Variants in LARP1B observed in about 807,000 individuals in gnomAD.
LARP1B encodes La ribonucleoprotein 1B, also known as la-related protein 1B.
LARP1B carries 76 observed loss-of-function variants against 114.2 expected under a neutral mutation model. The observed-to-expected ratio is 0.67, with a 90% CI of 0.55 to 0.81. LARP1B has a LOEUF of 0.81. Ranked by LOEUF, LARP1B falls within the 30% of genes least tolerant of loss-of-function variation. The probability of loss-of-function intolerance (pLI) is 0.00; values close to 1 mark genes in which losing one functional copy is unlikely to be tolerated. For synonymous variants in LARP1B, 345 were observed against 348.0 expected, an observed-to-expected ratio of 0.99 and a Z score of 0.10; for missense variants, 1,014 against 1,075.8, an observed-to-expected ratio of 0.94 and a Z score of 0.80.
At chr4:128,122,463 T>G (rs57476068) in intron 11 of LARP1B, 63 of 1,517,410 alleles carry the variant, frequency 4.2e-5, no homozygotes, top group Admixed American at 4.1e-4. Context: ...TGTTTTGTTT[T>G]TTTTTGTTTT....
chr4:128,188,877 CTT>C (rs1751265136), intron 15 of LARP1B, among the ~76,000 whole-genome samples: 1 of 152,076 alleles, frequency 6.6e-6, no homozygotes, highest in South Asian at 2.1e-4. Flanking sequence ...ATGATTTTGA[CTT>C]TTTTAAATTT....
At chr4:128,118,390 C>T (rs1436605481) in intron 10 of LARP1B, among the ~76,000 whole-genome samples, 1 of 151,602 alleles carries the variant, frequency 6.6e-6, no homozygotes, top group Non-Finnish European at 1.5e-5. Context: ...TGCCACCACG[C>T]CCAGCTAATT....
intron 12 of LARP1B, among the ~76,000 whole-genome samples, chr4:128,166,226 G>A (rs917638241): frequency 6.6e-6 from 1 of 151,662 alleles, no homozygotes; most frequent in South Asian, 2.1e-4. Context: ...AGGTCAAAAC[G>A]TTTGTGTCAT....
intron 11 of LARP1B, among the ~76,000 whole-genome samples, chr4:128,142,550 C>A (rs1041796060): frequency 6.6e-6 from 1 of 151,070 alleles, no homozygotes; most frequent in African/African-American, 2.4e-5. Context: ...CTCTTGTTGC[C>A]CAGGCTGGAG....
chr4:128,087,477 AC>A (rs1355398584), intron 5 of LARP1B, among the ~76,000 whole-genome samples: 5 of 152,218 alleles, frequency 3.3e-5, no homozygotes, highest in African/African-American at 1.2e-4. Context: ...CTTTAAACAT[AC>A]AAAAAATTGA....
intron 1 of LARP1B, among the ~76,000 whole-genome samples, chr4:128,073,572 GTTTTTTTTTTTTTTT>G (rs568197117): frequency 5.8e-4 from 23 of 39,994 alleles, no homozygotes; most frequent in East Asian, 9.3e-4. Context: ...TATTGTTGTC[GTTTTTTTTTTTTTTT>G]TTTTTTTTTT....
intron 7 of LARP1B, among the ~76,000 whole-genome samples, chr4:128,091,905 C>G (rs913344081): frequency 6.6e-6 from 1 of 152,102 alleles, no homozygotes; most frequent in African/African-American, 2.4e-5. Context: ...CTGTTTATAA[C>G]ATTTTTAAAG....
intron 15 of LARP1B, among the ~76,000 whole-genome samples, chr4:128,187,958 C>A (rs1033268625): frequency 6.6e-6 from 1 of 152,146 alleles, no homozygotes; most frequent in Non-Finnish European, 1.5e-5. Flanking sequence ...CTGCCTTCCA[C>A]CATGATTGTA....
At chr4:128,118,300 C>T (rs1012812387) in intron 10 of LARP1B, among the ~76,000 whole-genome samples, 4 of 146,456 alleles carry the variant, frequency 2.7e-5, no homozygotes, top group South Asian at 2.2e-4. Flanking sequence ...GGCGCGATCT[C>T]GGCTCCCTGC....
intron 12 of LARP1B, among the ~76,000 whole-genome samples, chr4:128,169,543 A>G (rs1742618266): frequency 6.6e-6 from 1 of 151,960 alleles, no homozygotes; most frequent in Non-Finnish European, 1.5e-5. Context: ...TTTAAGGGAG[A>G]GTTTAAATTA....
intron 10 of LARP1B, among the ~76,000 whole-genome samples, chr4:128,117,620 G>A (rs2149947333): frequency 6.6e-6 from 1 of 151,526 alleles, no homozygotes; most frequent in East Asian, 2.0e-4. Context: ...CTGACCTCAG[G>A]TGATCCACCC....
Position 128,210,116 on chromosome 4 carries a change from T to C in LARP1B, c.*63T>C, listed in dbSNP as rs113783954. The C allele has an allele frequency of 2.1e-4, 336 of 1,606,818 alleles. 2 individuals are homozygous for C. Among genetic ancestry groups the C allele is most frequent in the South Asian group, 8.6e-4 (78 of 90,222 alleles). ...GAAATGCCTGAGAAATAGACTCTTA[T>C]GAAAGTTCTTTGTCCTTGAAGTCAA... is the stretch of plus-strand genomic sequence containing the variant. On this transcript the variant is annotated 3_prime_UTR_variant, in exon 20 of 20. Coordinates refer to ENST00000326639, the MANE Select transcript of LARP1B (RefSeq NM_018078.4).
intron 15 of LARP1B, among the ~76,000 whole-genome samples, chr4:128,197,727 AT>A (rs983331219): frequency 1.1e-4 from 17 of 151,328 alleles, no homozygotes; most frequent in Non-Finnish European, 1.8e-4. Context: ...AAAAAAACCT[AT>A]TTTTTTTCAT....
At chr4:128,169,192 TTAAG>T (rs2150528519) in intron 12 of LARP1B, among the ~76,000 whole-genome samples, 1 of 152,048 alleles carries the variant, frequency 6.6e-6, no homozygotes, top group East Asian at 1.9e-4. Context: ...TTTAATTTTT[TTAAG>T]TTTTATTTTC....
chr4:128,062,293 C>T (rs1375516913), intron 1 of LARP1B: 3 of 985,010 alleles, frequency 3.0e-6, no homozygotes, highest in Non-Finnish European at 3.6e-6. Flanking sequence ...CGGCGCGTGG[C>T]GGCGGTAGCG....
chr4:128,106,174 C>T (rs1026724136), intron 8 of LARP1B, among the ~76,000 whole-genome samples: 42 of 152,070 alleles, frequency 2.8e-4, no homozygotes, highest in African/African-American at 8.2e-4. Flanking sequence ...CAGGCACATG[C>T]CACCATGCCC....
chr4:128,192,855 CAG>C (rs1399143207), intron 15 of LARP1B, among the ~76,000 whole-genome samples: 2 of 151,296 alleles, frequency 1.3e-5, no homozygotes, highest in African/African-American at 4.9e-5. Flanking sequence ...AAATTAGAGA[CAG>C]AGTCTCGATC....
intron 5 of LARP1B, among the ~76,000 whole-genome samples, chr4:128,086,737 C>T (rs1773727254): frequency 6.6e-6 from 1 of 152,082 alleles, no homozygotes; most frequent in Non-Finnish European, 1.5e-5. Context: ...GTGTATTTCA[C>T]TTTCAGTTGT....
chr4:128,082,273 C>G lies in LARP1B; in HGVS notation c.326C>G (p.Pro109Arg), dbSNP rs1770793270. 6.2e-7 allele frequency: 1 copy of G among 1,613,612 alleles called. No individual in the cohort carries two copies. Among genetic ancestry groups the G allele is most frequent in the South Asian group, 1.1e-5 (1 of 91,070 alleles). ...AGATGTCAACCTGAAGCAAATAAACCAACACATAACAATAGGAGAAATGAT... is the reference window on the plus strand; with the variant it reads ...AGATGTCAACCTGAAGCAAATAAACGAACACATAACAATAGGAGAAATGAT... ...SSRCQPEANK[P>R]THNNRRNDTR... The change falls in exon 5 of 20, where the codon CCA becomes CGA. Residue 109 changes from proline (P) to arginine (R), a missense_variant. Transcript: ENST00000326639.
Sources: gnomAD v4.1 joint callset for allele counts (sites outside exome capture counted in the v4.1 genomes callset) on GRCh38, gnomAD v4.1.1 for gene constraint, MANE v1.5 for transcripts, NCBI Gene and HGNC (gene_info 2026-07-23, HGNC 2026-07-21) for gene names.